Variants in TBC1D5 observed in about 807,000 individuals in gnomAD.
TBC1D5 encodes TBC1 domain family, member 5.
In TBC1D5, 75 loss-of-function variants were observed where a neutral mutation model predicts 100.3. The ratio of observed to expected loss-of-function variants is 0.75; its 90% CI spans 0.62 to 0.91. The LOEUF (loss-of-function observed/expected upper bound fraction) is 0.91. TBC1D5 is among the 40% of genes least tolerant of loss of function. The pLI is 0.00. For synonymous variants in TBC1D5, 323 were observed against 325.6 expected, an observed-to-expected ratio of 0.99 and a Z score of 0.09; for missense variants, 910 against 942.4, an observed-to-expected ratio of 0.97 and a Z score of 0.45.
chr3:17,483,674 A>C (rs1244791137), intron 3 of TBC1D5, among the ~76,000 whole-genome samples: 2 of 152,206 alleles, frequency 1.3e-5, no homozygotes, highest in Non-Finnish European at 2.9e-5. Context: ...ATCAGAATCA[A>C]ATCATTAAAA....
chr3:17,309,946 G>A (rs528994173), intron 13 of TBC1D5, among the ~76,000 whole-genome samples: 6 of 152,190 alleles, frequency 3.9e-5, no homozygotes, highest in African/African-American at 1.4e-4. Context: ...CTCCATCAAT[G>A]AGGAAAGTAG....
chr3:17,414,566 A>G (rs753323136), intron 4 of TBC1D5, among the ~76,000 whole-genome samples: 1 of 152,242 alleles, frequency 6.6e-6, no homozygotes, highest in Non-Finnish European at 1.5e-5. Context: ...ATCAATGGAA[A>G]TATGAAAAGT....
chr3:17,181,507 G>A (rs936848671), intron 19 of TBC1D5, among the ~76,000 whole-genome samples: 1 of 152,320 alleles, frequency 6.6e-6, no homozygotes, highest in East Asian at 1.9e-4. Context: ...AAGTACATAT[G>A]TGTCGACATA....
intron 1 of TBC1D5, among the ~76,000 whole-genome samples, chr3:17,679,887 C>T (rs1007781175): frequency 6.6e-6 from 1 of 151,396 alleles, no homozygotes; most frequent in Admixed American, 6.6e-5. Flanking sequence ...CCTTGCATTG[C>T]AGAATACCTA....
intron 8 of TBC1D5, among the ~76,000 whole-genome samples, chr3:17,387,938 A>T: frequency 6.6e-6 from 1 of 151,976 alleles, no homozygotes; most frequent in South Asian, 2.1e-4. Context: ...AAAGGAAAAA[A>T]ATCACATTAA....
At chr3:17,354,552 C>A (rs889140130) in intron 13 of TBC1D5, among the ~76,000 whole-genome samples, 14 of 152,016 alleles carry the variant, frequency 9.2e-5, no homozygotes, top group African/African-American at 3.1e-4. Flanking sequence ...TTTAAAATTA[C>A]CTCCGAGTTG....
chr3:17,672,329 A>C (rs562212432), intron 1 of TBC1D5, among the ~76,000 whole-genome samples: 1 of 152,214 alleles, frequency 6.6e-6, no homozygotes, highest in Non-Finnish European at 1.5e-5. Flanking sequence ...ACAAAATAAG[A>C]ATGTATTTTT....
intron 2 of TBC1D5, among the ~76,000 whole-genome samples, chr3:17,536,397 A>C (rs1459041953): frequency 6.6e-6 from 1 of 152,218 alleles, no homozygotes; most frequent in Non-Finnish European, 1.5e-5. Flanking sequence ...TAAAATACAC[A>C]TATTTACCAA....
chr3:17,577,490 C>A (rs905081311), intron 2 of TBC1D5, among the ~76,000 whole-genome samples: 2 of 151,846 alleles, frequency 1.3e-5, no homozygotes, highest in Non-Finnish European at 2.9e-5. Flanking sequence ...ACAACTCTTT[C>A]CACCTTTGTA....
intron 4 of TBC1D5, among the ~76,000 whole-genome samples, chr3:17,417,685 A>C (rs1350910148): frequency 6.6e-6 from 1 of 152,098 alleles, no homozygotes; most frequent in Non-Finnish European, 1.5e-5. Flanking sequence ...AGCATGATTT[A>C]TAGTCCCTTG....
chr3:17,181,035 T>A (rs2068395127), intron 19 of TBC1D5, among the ~76,000 whole-genome samples: 1 of 150,950 alleles, frequency 6.6e-6, no homozygotes, highest in African/African-American at 2.4e-5. Flanking sequence ...ACTCCTAGAG[T>A]AAGTTTCTGA....
chr3:17,348,358 A>C (rs576186247), intron 13 of TBC1D5, among the ~76,000 whole-genome samples: 60 of 152,184 alleles, frequency 3.9e-4, no homozygotes, highest in Non-Finnish European at 6.8e-4. Context: ...GTGTATATGC[A>C]AATCTCCTGG....
At chr3:17,276,145 C>G (rs2079983374) in intron 15 of TBC1D5, among the ~76,000 whole-genome samples, 1 of 151,694 alleles carries the variant, frequency 6.6e-6, no homozygotes, top group African/African-American at 2.4e-5. Context: ...GGCAGCAGAG[C>G]TGGTGTCTGG....
chr3:17,352,792 G>A (rs2090784196), intron 13 of TBC1D5, among the ~76,000 whole-genome samples: 1 of 150,788 alleles, frequency 6.6e-6, no homozygotes, highest in Non-Finnish European at 1.5e-5. Flanking sequence ...GTTGACTCCT[G>A]TTTTCCAGAA....
intron 17 of TBC1D5, among the ~76,000 whole-genome samples, chr3:17,221,702 AG>A (rs565732555): frequency 5.1e-4 from 77 of 152,304 alleles, no homozygotes; most frequent in South Asian, 3.1e-3. Context: ...TTGGTCCTAT[AG>A]GTAAAAGGAA....
At chr3:17,196,852 T>C (rs1399577645) in intron 18 of TBC1D5, among the ~76,000 whole-genome samples, 1 of 152,246 alleles carries the variant, frequency 6.6e-6, no homozygotes, top group Non-Finnish European at 1.5e-5. Context: ...AATGCTTGTT[T>C]TGAAAATGTG....
chr3:17,703,245 T>G (rs1380314570), intron 1 of TBC1D5, among the ~76,000 whole-genome samples: 1 of 151,930 alleles, frequency 6.6e-6, no homozygotes, highest in Non-Finnish European at 1.5e-5. Flanking sequence ...TAATTACATT[T>G]GTACATATGT....
chr3:17,529,816 T>C (rs1049700995), intron 2 of TBC1D5, among the ~76,000 whole-genome samples: 14 of 152,030 alleles, frequency 9.2e-5, no homozygotes, highest in African/African-American at 3.1e-4. Context: ...TATTAATACT[T>C]GTGGGAAAAA....
intron 15 of TBC1D5, among the ~76,000 whole-genome samples, chr3:17,284,956 C>T (rs939566698): frequency 6.6e-6 from 1 of 150,522 alleles, no homozygotes; most frequent in Non-Finnish European, 1.5e-5. Context: ...TCACACAGCT[C>T]AGAAACAAAG....
Sources: gnomAD v4.1 joint callset for allele counts (sites outside exome capture counted in the v4.1 genomes callset) on GRCh38, gnomAD v4.1.1 for gene constraint, MANE v1.5 for transcripts, NCBI Gene and HGNC (gene_info 2026-07-23, HGNC 2026-07-21) for gene names.